The following RPS6KL1 variants were observed in gnomAD, a reference collection of about 807,000 sequenced individuals.
RPS6KL1 encodes the protein ribosomal protein S6 kinase like 1.
In RPS6KL1, 41 loss-of-function variants were observed where a neutral mutation model predicts 57.0. The ratio of observed to expected loss-of-function variants is 0.72; its 90% CI spans 0.56 to 0.93. The LOEUF (loss-of-function observed/expected upper bound fraction) is 0.93. Ranked by LOEUF, RPS6KL1 falls within the 40% of genes least tolerant of loss-of-function variation. The pLI, the probability that RPS6KL1 is intolerant of heterozygous loss-of-function variation, is 0.00. For synonymous variants in RPS6KL1, 287 were observed against 309.7 expected (o/e 0.93, Z 0.77); for missense variants, 697 against 727.7 (o/e 0.96, Z 0.49).
At chr14:74,907,859 T>G (rs1047108929) in intron 10 of RPS6KL1, among the ~76,000 whole-genome samples, 2 of 152,202 alleles carry the variant, frequency 1.3e-5, no homozygotes, top group Non-Finnish European at 2.9e-5. Context: ...CTTGTCTCCT[T>G]ATTTTAAAAA....
chr14:74,909,155 C>G lies in RPS6KL1; in HGVS notation c.1306G>C (p.Glu436Gln), dbSNP rs1310310941. The G allele has an allele frequency of 1.9e-6, 3 of 1,614,236 alleles. No individual in the cohort carries two copies. The highest frequency in any genetic ancestry group is 2.5e-6 in the Non-Finnish European group (3 of 1,180,040). ...IRLTYFGQWS[E>Q]VEPQCCGEAV... ...TCCCCGCAGCACTGGGGCTCCACCT[C>G]TGACCACTGGCCAAAATATGTGAGC... Residue 436 changes from glutamate to glutamine, a missense_variant, in exon 9 of 12, where the codon GAG becomes CAG. Glu to Gln is a conservative substitution (Grantham distance 29). Transcript: ENST00000557413.
Position 74,919,781 on chromosome 14 carries a change from C to T in RPS6KL1, c.390+64G>A, listed in dbSNP as rs573471809. The T allele has an allele frequency of 8.7e-4, 1,378 of 1,577,202 alleles. 5 individuals are homozygous for T. The highest frequency in any genetic ancestry group is 8.8e-4 in the Non-Finnish European group (1,021 of 1,159,142). ...AGGGCGGGCCTGTGGGTGTCGGGGC[C>T]TCCGCAGTCTCCCCTCAGAGCCCTC... On this transcript the variant is annotated intron_variant, in intron 4 of 11. Coordinates refer to ENST00000557413, the MANE Select transcript of RPS6KL1 (RefSeq NM_031464.5).
At chr14:74,921,238 T>TTGCCCCCCCCCCCCC in intron 3 of RPS6KL1, 39 bp downstream of exon 3, 3 of 840,176 alleles carry the variant, frequency 3.6e-6, no homozygotes, top group East Asian at 2.6e-5. Flanking sequence ...CACTGGCCCT[T>TTGCCCCCCCCCCCCC]CCCCACCCAC....
chr14:74,921,238 T>TAG, intron 3 of RPS6KL1, 39 bp downstream of exon 3: 4 of 840,184 alleles, frequency 4.8e-6, no homozygotes, highest in Non-Finnish European at 8.2e-6. Context: ...CACTGGCCCT[T>TAG]CCCCACCCAC....
At chr14:74,911,522 C>G (rs1420241044) in intron 6 of RPS6KL1, 142 bp from the exon 7 acceptor site, 7 of 945,652 alleles carry the variant, frequency 7.4e-6, no homozygotes, top group East Asian at 2.6e-5. Flanking sequence ...TCCTTACCCC[C>G]ACTGCCCCTG....
In RPS6KL1 at chr14:74,907,043, T is replaced by C. The variant is rs1459839136; in HGVS notation, c.1621A>G (p.Thr541Ala). The change falls in exon 12 of 12, where the codon ACC (threonine) becomes GCC (alanine). Residue 541 changes from threonine to alanine, a missense_variant. Physicochemically the swap from Thr to Ala is moderately conservative, Grantham distance 58 (BLOSUM62 0). Transcript: ENST00000557413. ...CCCACCAGCTTGCTCCATTGGATGG[T>C]ACTGAAAAAGGGATGGGACTTGAGT... Reference protein sequence around the residue: ...SKLKSHPFFSTIQWSKLVG With the variant: ...SKLKSHPFFSAIQWSKLVG 1 of 1,613,338 alleles carries C rather than the reference T, an allele frequency of 6.2e-7. No individual in the cohort carries two copies. The highest frequency in any genetic ancestry group is 8.5e-7 in the Non-Finnish European group (1 of 1,179,676).
At chr14:74,922,507 G>A (rs1025295639) in intron 1 of RPS6KL1, 22 bp from the exon 2 acceptor site, 12 of 219,490 alleles carry the variant, frequency 5.5e-5, no homozygotes, top group Non-Finnish European at 8.5e-5. Flanking sequence ...CGGAATGACT[G>A]AGTGGCAGAC....
chr14:74,905,046 A>T lies in RPS6KL1; in HGVS notation c.*1968T>A, dbSNP rs942065976. 7 of 152,244 alleles carry T rather than the reference A, an allele frequency of 4.6e-5. No individual in the cohort carries two copies. The East Asian group carries it at 7.7e-4, about 17-fold the overall frequency. 9.4% of individuals were successfully genotyped at this position (152,244 alleles called of 1,614,324 possible). A position where few individuals can be genotyped will look rare whatever the true frequency, so the allele number is the denominator to read the frequency against. ...TAGGTTGAATGAAAGGAAGAACAGG[A>T]TTTGGTGTTAGAAGCTTTAATTTAT... On this transcript the variant is annotated 3_prime_UTR_variant, in exon 12 of 12. Transcript: ENST00000557413.
chr14:74,921,501 AGGCC>A lies in RPS6KL1; in HGVS notation c.37_40del (p.Gly13TrpfsTer31). Reference sequence around the variant, plus strand: ...TGCTCGTGAGCAAGGCTCAGGCTCCAGGCCGGGGCTGGGCAGGCACTCACAGGCC... The same window carrying A: ...TGCTCGTGAGCAAGGCTCAGGCTCCAGGGGCTGGGCAGGCACTCACAGGCC... On this transcript the variant is annotated frameshift_variant, in exon 3 of 12. Transcript: ENST00000557413. LOFTEE classifies it high-confidence loss of function. The A allele has an allele frequency of 1.2e-6, 2 of 1,614,048 alleles. No homozygotes were observed. The highest frequency in any genetic ancestry group is 1.7e-6 in the Non-Finnish European group (2 of 1,179,972).
chr14:74,911,064 G>A lies in RPS6KL1; in HGVS notation c.664+184C>T, dbSNP rs1234999440. 1.1e-5 allele frequency: 6 copies of A among 553,436 alleles called. No homozygotes were observed. The African/African-American group carries it at 1.1e-4, about 11-fold the overall frequency. The allele number at this position is 553,436 out of a possible 1,614,324, so 34.3% of individuals were successfully genotyped here. The stretch of plus-strand genomic sequence containing the variant: ...TTTTTGTATTTTTAGTAGAGACAGG[G>A]TTTCACTATGTTGGCCAGGCTGGTC... On this transcript the variant is annotated intron_variant, in intron 7 of 11. Transcript: ENST00000557413.
In RPS6KL1 at chr14:74,905,164, CAG is replaced by C. The variant is rs1200661147; in HGVS notation, c.*1848_*1849del. The C allele has an allele frequency of 6.6e-6, 1 of 152,168 alleles. No individual in the cohort carries two copies. Among genetic ancestry groups the C allele is most frequent in the African/African-American group, 2.4e-5 (1 of 41,426 alleles). 9.4% of individuals were successfully genotyped at this position (152,168 alleles called of 1,614,324 possible). A position where few individuals can be genotyped will look rare whatever the true frequency, so the allele number is the denominator to read the frequency against. ...GCTGGGACCCACAGTATTCTAAACTCAGGGCCCAACAAAGTGTCAGATGTGTA... is the reference window on the plus strand; with the variant it reads ...GCTGGGACCCACAGTATTCTAAACTCGGCCCAACAAAGTGTCAGATGTGTA... On this transcript the variant is annotated 3_prime_UTR_variant, in exon 12 of 12. Transcript: ENST00000557413.
rs1885601883 is a variant in RPS6KL1 at position 74,909,781 on chromosome 14, CCCCCGAGGGGG to C, written c.1021_1031del (p.Pro341AlafsTer6). On this transcript the variant is annotated frameshift_variant, in exon 8 of 12. Coordinates refer to ENST00000557413, the MANE Select transcript of RPS6KL1 (RefSeq NM_031464.5). LOFTEE classifies it high-confidence loss of function. ...CGGCCCCCTCAGGAACCCAAGTGAG[CCCCCGAGGGGG>C]CCCAGCGTCTGAGTTCTGGCCAGCC... 2 of 1,605,366 alleles carry C rather than the reference CCCCCGAGGGGG, an allele frequency of 1.2e-6. No individual in the cohort carries two copies. Among genetic ancestry groups the C allele is most frequent in the Admixed American group, 1.7e-5 (1 of 59,438 alleles).
In RPS6KL1 at chr14:74,921,431, C is replaced by A. The variant is rs137911584; in HGVS notation, c.111G>T (p.Val37=). The A allele has an allele frequency of 1.2e-6, 2 of 1,614,168 alleles. No homozygotes were observed. Among genetic ancestry groups the A allele is most frequent in the Non-Finnish European group, 1.7e-6 (2 of 1,180,062 alleles). Residue 37 remains valine, a synonymous_variant, in exon 3 of 12, where the codon GTG becomes GTT. Coordinates refer to ENST00000557413, the MANE Select transcript of RPS6KL1 (RefSeq NM_031464.5). ...HVYLEQIRNR[V]ALGVPDMTKR... ...TTGTCATGTCAGGCACTCCCAGAGCCACCCTGTTGCGAATCTGCTCCAGGT... is the reference window on the plus strand; with the variant it reads ...TTGTCATGTCAGGCACTCCCAGAGCAACCCTGTTGCGAATCTGCTCCAGGT...
chr14:74,909,958 CGGA>C lies in RPS6KL1; in HGVS notation c.852_854del (p.Pro285del). The C allele has an allele frequency of 6.2e-7, 1 of 1,614,090 alleles. No individual in the cohort carries two copies. Among genetic ancestry groups the C allele is most frequent in the Non-Finnish European group, 8.5e-7 (1 of 1,179,972 alleles). On this transcript the variant is annotated inframe_deletion, in exon 8 of 12. Coordinates refer to ENST00000557413, the MANE Select transcript of RPS6KL1 (RefSeq NM_031464.5). ...GGGCCTCCCCAGCTAGGAGAAGGTT[CGGA>C]GAAGTCCTAGGAGGCTCCAGGGCGA... is the stretch of plus-strand genomic sequence containing the variant.
intron 5 of RPS6KL1, among the ~76,000 whole-genome samples, chr14:74,912,273 G>A (rs1433852040): frequency 6.6e-6 from 1 of 152,178 alleles, no homozygotes; most frequent in East Asian, 1.9e-4. Flanking sequence ...GTGCGTGGTG[G>A]GCATGCGAGC....
intron 4 of RPS6KL1, among the ~76,000 whole-genome samples, chr14:74,919,199 G>A (rs1172624894): frequency 6.6e-6 from 1 of 152,216 alleles, no homozygotes; most frequent in Admixed American, 6.5e-5. Flanking sequence ...CTCCCAAGGT[G>A]GGGATAGGGA....
intron 8 of RPS6KL1, 130 bp downstream of exon 8, chr14:74,909,413 C>G (rs1885504644): frequency 2.4e-6 from 3 of 1,261,658 alleles, no homozygotes; most frequent in Non-Finnish European, 3.2e-6. Context: ...CCAGCCTAGG[C>G]CCCCTGAAAG....
At chr14:74,918,117 A>ATTTTATT (rs1451481890) in intron 5 of RPS6KL1, among the ~76,000 whole-genome samples, 2 of 54,668 alleles carry the variant, frequency 3.7e-5, no homozygotes, top group African/African-American at 1.2e-4. Context: ...TTTATTTTAT[A>ATTTTATT]TTTTATTTTA....
At chr14:74,908,030 A>AC (rs1247790686) in intron 10 of RPS6KL1, among the ~76,000 whole-genome samples, 3 of 152,030 alleles carry the variant, frequency 2.0e-5, no homozygotes, top group Non-Finnish European at 4.4e-5. Flanking sequence ...GCTTCCAGGA[A>AC]CCCCCAGGAG....
Sources: allele counts gnomAD v4.1 joint callset (sites outside exome capture counted in the v4.1 genomes callset), GRCh38; gene constraint gnomAD v4.1.1; transcripts MANE v1.5; gene names NCBI Gene and HGNC (gene_info 2026-07-23, HGNC 2026-07-21).